SAMD4A: variants seen among roughly 807,000 people sequenced by gnomAD.
SAMD4A encodes protein Smaug homolog 1.
A neutral mutation model predicts 81.3 loss-of-function variants in SAMD4A; 33 were observed. The observed-to-expected ratio is 0.41, with a 90% confidence interval of 0.31 to 0.54. The LOEUF is 0.54. Ranked by LOEUF, SAMD4A falls within the 20% of genes least tolerant of loss-of-function variation. The pLI, the probability that SAMD4A is intolerant of heterozygous loss-of-function variation, is 0.37. For synonymous variants in SAMD4A, 389 were observed against 382.1 expected (o/e 1.02, Z -0.21); for missense variants, 854 against 951.1 (o/e 0.90, Z 1.34).
At chr14:54,617,076 A>G (rs1180220592) in intron 2 of SAMD4A, among the ~76,000 whole-genome samples, 1 of 152,146 alleles carries the variant, frequency 6.6e-6, no homozygotes, top group African/African-American at 2.4e-5. Context: ...ATATTTAAAA[A>G]CCATGGGATT....
chr14:54,619,293 T>C (rs1463739528), intron 2 of SAMD4A, among the ~76,000 whole-genome samples: 1 of 152,248 alleles, frequency 6.6e-6, no homozygotes, highest in African/African-American at 2.4e-5. Flanking sequence ...AAATTCTATT[T>C]AAAATTCTTT....
chr14:54,684,598 G>A (rs543812563), intron 2 of SAMD4A, among the ~76,000 whole-genome samples: 13 of 120,022 alleles, frequency 1.1e-4, no homozygotes, highest in African/African-American at 3.3e-4. Flanking sequence ...TGTTTCCATT[G>A]GCCAGACACC....
intron 2 of SAMD4A, among the ~76,000 whole-genome samples, chr14:54,603,852 TC>T (rs1214205393): frequency 6.6e-6 from 1 of 152,078 alleles, no homozygotes; most frequent in African/African-American, 2.4e-5. Context: ...TGAGATGGAG[TC>T]CTCGCTCTGT....
intron 2 of SAMD4A, among the ~76,000 whole-genome samples, chr14:54,605,886 A>T (rs948579601): frequency 2.6e-5 from 4 of 152,122 alleles, no homozygotes; most frequent in African/African-American, 7.2e-5. Flanking sequence ...CATTACAGAC[A>T]TTTTGAGGAA....
At chr14:54,635,338 TCACTCAAACCCAGGA>T in intron 2 of SAMD4A, among the ~76,000 whole-genome samples, 2 of 147,952 alleles carry the variant, frequency 1.4e-5, no homozygotes, top group African/African-American at 5.3e-5. Context: ...GGCAGGAGAA[TCACTCAAACCCAGGA>T]GGCGGAGGTT....
At chr14:54,589,348 AT>A in intron 2 of SAMD4A, among the ~76,000 whole-genome samples, 1 of 152,264 alleles carries the variant, frequency 6.6e-6, no homozygotes, top group Admixed American at 6.5e-5. Context: ...AAAAAGCCTC[AT>A]GTTTTTACTC....
chr14:54,624,852 T>TTTG (rs951041911), intron 2 of SAMD4A, among the ~76,000 whole-genome samples: 1 of 152,124 alleles, frequency 6.6e-6, no homozygotes, highest in Non-Finnish European at 1.5e-5. Context: ...ATATACAGTT[T>TTTG]TTGTTGTTGT....
chr14:54,779,325 G>A (rs1336360500), intron 11 of SAMD4A, among the ~76,000 whole-genome samples: 1 of 152,216 alleles, frequency 6.6e-6, no homozygotes, highest in Non-Finnish European at 1.5e-5. Context: ...ATTGAGATGT[G>A]TAACTAACCC....
At chr14:54,705,569 A>C (rs1566595376) in intron 3 of SAMD4A, among the ~76,000 whole-genome samples, 1 of 151,292 alleles carries the variant, frequency 6.6e-6, no homozygotes, top group Admixed American at 6.6e-5. Flanking sequence ...CCACCTCCTT[A>C]GTTTTTGTTT....
intron 2 of SAMD4A, chr14:54,668,748 A>G (rs914480454): frequency 6.6e-6 from 1 of 152,390 alleles, no homozygotes. Context: ...TTCCTATAAC[A>G]TCCTTATGAC....
At chr14:54,785,484 A>G (rs1220652727) in intron 12 of SAMD4A, among the ~76,000 whole-genome samples, 1 of 152,198 alleles carries the variant, frequency 6.6e-6, no homozygotes, top group African/African-American at 2.4e-5. Flanking sequence ...CCACAGAGAC[A>G]CAGAGAGGCC....
At chr14:54,771,037 T>C (rs2038689582) in intron 9 of SAMD4A, among the ~76,000 whole-genome samples, 1 of 152,222 alleles carries the variant, frequency 6.6e-6, no homozygotes. Context: ...ATTTCATTTC[T>C]CGGTGCATGT....
intron 9 of SAMD4A, among the ~76,000 whole-genome samples, chr14:54,771,400 TG>T (rs1263367403): frequency 6.6e-6 from 1 of 152,244 alleles, no homozygotes; most frequent in Non-Finnish European, 1.5e-5. Context: ...CCAGGCAGGC[TG>T]GCACCAGCTC....
intron 3 of SAMD4A, among the ~76,000 whole-genome samples, chr14:54,706,757 C>T (rs1330882255): frequency 3.3e-5 from 5 of 151,828 alleles, no homozygotes; most frequent in South Asian, 4.2e-4. Flanking sequence ...AGCAAAGGGA[C>T]GGGGGTCACA....
At chr14:54,667,709 A>ATCC (rs2035786602) in intron 2 of SAMD4A, among the ~76,000 whole-genome samples, 1 of 152,178 alleles carries the variant, frequency 6.6e-6, no homozygotes, top group Non-Finnish European at 1.5e-5. Context: ...TTTCACCAGT[A>ATCC]ACTCAGGTGG....
At chr14:54,619,393 T>C (rs2034563323) in intron 2 of SAMD4A, among the ~76,000 whole-genome samples, 1 of 152,214 alleles carries the variant, frequency 6.6e-6, no homozygotes, top group Non-Finnish European at 1.5e-5. Flanking sequence ...TGTAACTTAG[T>C]GCTCAGCCCA....
chr14:54,783,500 G>A (rs1267911551), intron 11 of SAMD4A, among the ~76,000 whole-genome samples: 1 of 152,200 alleles, frequency 6.6e-6, no homozygotes, highest in Non-Finnish European at 1.5e-5. Flanking sequence ...GGTGGTAGAG[G>A]GGAGATTGTG....
At chr14:54,575,130 C>A (rs1566527886) in intron 2 of SAMD4A, among the ~76,000 whole-genome samples, 1 of 152,102 alleles carries the variant, frequency 6.6e-6, no homozygotes, top group Non-Finnish European at 1.5e-5. Context: ...TCCCCCCAAC[C>A]CCCTACTCCC....
chr14:54,670,580 CT>C (rs2140510904), intron 2 of SAMD4A, among the ~76,000 whole-genome samples: 1 of 152,296 alleles, frequency 6.6e-6, no homozygotes, highest in Non-Finnish European at 1.5e-5. Flanking sequence ...CAATTCCCAT[CT>C]GTAAAATAAG....
Sources: gnomAD v4.1 joint callset for allele counts (sites outside exome capture counted in the v4.1 genomes callset) on GRCh38, gnomAD v4.1.1 for gene constraint, MANE v1.5 for transcripts, NCBI Gene and HGNC (gene_info 2026-07-23, HGNC 2026-07-21) for gene names.